Variants in BYSL observed in about 807,000 individuals in gnomAD.
The protein encoded by BYSL is bystin.
A neutral mutation model predicts 45.4 loss-of-function variants in BYSL; 21 were observed. The observed-to-expected ratio is 0.46, with a 90% CI of 0.33 to 0.67. The LOEUF is 0.67. Ranked by LOEUF, BYSL falls within the 30% of genes least tolerant of loss-of-function variation. The probability of loss-of-function intolerance (pLI) is 0.02; values close to 1 mark genes in which losing one functional copy is unlikely to be tolerated. For synonymous variants in BYSL, 215 were observed against 231.3 expected (o/e 0.93, Z 0.64); for missense variants, 522 against 578.5 (o/e 0.90, Z 1.00).
upstream of BYSL, chr6:41,920,968 T>C: frequency 6.2e-7 from 1 of 1,603,258 alleles, no homozygotes; most frequent in Non-Finnish European, 8.5e-7. Context: ...CTTTCACAAC[T>C]CCAAGCCCCG....
At chr6:41,919,524 T>C (rs767871346), upstream of BYSL, among the ~76,000 whole-genome samples, 1 of 152,174 alleles carries the variant, frequency 6.6e-6, no homozygotes, top group Non-Finnish European at 1.5e-5. Context: ...TATTTTGAAA[T>C]ACAAAAGAAT....
At chr6:41,911,340 G>A in the BYSL span, among the ~76,000 whole-genome samples, 4 of 151,510 alleles carry the variant, frequency 2.6e-5, no homozygotes, top group Non-Finnish European at 5.9e-5. Flanking sequence ...TAGTAGAGAC[G>A]GGGTTTCACC....
the BYSL span, among the ~76,000 whole-genome samples, chr6:41,910,528 A>G: frequency 0.056 from 8,492 of 151,592 alleles, 415 homozygotes; most frequent in Admixed American, 0.12. Flanking sequence ...GCTACTGGGG[A>G]GGCTGAGGCA....
At chr6:41,914,806 A>G in the BYSL span, among the ~76,000 whole-genome samples, 1 of 152,172 alleles carries the variant, frequency 6.6e-6, no homozygotes, top group Non-Finnish European at 1.5e-5. Context: ...GCTAAAAAGA[A>G]CAATTGATTT....
In BYSL at chr6:41,932,143, C is replaced by T. The variant is rs923323055; in HGVS notation, c.969-218C>T. On this transcript the variant is annotated intron_variant, in intron 6 of 6. Coordinates refer to ENST00000230340, the MANE Select transcript of BYSL (RefSeq NM_004053.4). This position sits in a 1 kb window ranked among gnomAD's most constrained non-coding sequence, Gnocchi z 4.7. ...CTAGTTGGTTACTGAAACAAGCAGT[C>T]TATGCTAGAGATAGAGATTTGGGTG... Among the ~76,000 whole-genome samples, 2 of 152,012 alleles carry T rather than the reference C, an allele frequency of 1.3e-5. No individual in the cohort carries two copies. Among genetic ancestry groups the T allele is most frequent in the Non-Finnish European group, 2.9e-5 (2 of 68,024 alleles).
At chr6:41,911,154 CT>C in the BYSL span, among the ~76,000 whole-genome samples, 2,185 of 140,308 alleles carry the variant, frequency 0.016, 27 homozygotes, top group African/African-American at 0.042. Flanking sequence ...AGGCTAAAAA[CT>C]TTTTTTTTTT....
At chr6:41,928,134 A>G (rs1303889064) in intron 2 of BYSL, among the ~76,000 whole-genome samples, 2 of 152,164 alleles carry the variant, frequency 1.3e-5, no homozygotes, top group East Asian at 3.9e-4. Context: ...ATTTATTCCC[A>G]TCTATAATAA....
In BYSL at chr6:41,931,552, C is replaced by A; in HGVS notation, c.861C>A (p.Phe287Leu). Reference sequence around the variant, plus strand: ...CCCTTTTCAAACCTGGAGCCTGGTTCAAAGGTGGGATCCCAGAGGCACGGA... The same window carrying A: ...CCCTTTTCAAACCTGGAGCCTGGTTAAAAGGTGGGATCCCAGAGGCACGGA... ...KKALFKPGAW[F>L]KGILIPLCES... is the part of the protein sequence containing the mutation. Residue 287 changes from phenylalanine to leucine, a missense_variant, in exon 5 of 7, where the codon TTC becomes TTA. Physicochemically the swap from Phe to Leu is conservative, Grantham distance 22. Coordinates refer to ENST00000230340, the MANE Select transcript of BYSL (RefSeq NM_004053.4). 1 of 1,614,158 alleles carries A rather than the reference C, an allele frequency of 6.2e-7. No homozygotes were observed. The highest frequency in any genetic ancestry group is 8.5e-7 in the Non-Finnish European group (1 of 1,180,020).
chr6:41,922,155 A>G (rs967615655), intron 1 of BYSL, among the ~76,000 whole-genome samples: 1 of 152,184 alleles, frequency 6.6e-6, no homozygotes, highest in Admixed American at 6.5e-5. Context: ...ATGTTTGGGT[A>G]CAGAAGTAAA....
rs191704762 is a variant in BYSL at position 41,924,194 on chromosome 6, G to A, written c.268+2364G>A. ...TCCTGCCTCAGCCTCCCAAGTAGCT[G>A]GGATTACAGGCGCCCGCCACCACAC... On this transcript the variant is annotated intron_variant, in intron 1 of 6. Transcript: ENST00000230340. Among the ~76,000 whole-genome samples the A allele has an allele frequency of 2.1e-3, 316 of 151,446 alleles. 3 individuals are homozygous for A. The highest frequency in any genetic ancestry group is 6.6e-3 in the African/African-American group (272 of 41,202).
intron 1 of BYSL, 73 bp downstream of exon 1, chr6:41,921,903 TG>T: frequency 6.6e-7 from 1 of 1,505,346 alleles, no homozygotes; most frequent in South Asian, 1.3e-5. Context: ...AAAAAGTGTC[TG>T]GCAGGGGAAT....
At chr6:41,909,289 C>T in the BYSL span, 2 of 1,614,112 alleles carry the variant, frequency 1.2e-6, no homozygotes, top group Admixed American at 1.7e-5. Context: ...ATGCCCCGGG[C>T]ACTGGGCCCC....
Position 41,932,618 on chromosome 6 carries a change from C to T in BYSL, c.1226C>T (p.Pro409Leu). The T allele has an allele frequency of 6.2e-7, 1 of 1,614,188 alleles. No homozygotes were observed. Among genetic ancestry groups the T allele is most frequent in the South Asian group, 1.1e-5 (1 of 91,086 alleles). Residue 409 changes from proline (P) to leucine (L), a missense_variant, in exon 7 of 7, where the codon CCC becomes CTC. Pro to Leu is a moderately conservative substitution (Grantham distance 98, BLOSUM62 -3). Transcript: ENST00000230340. The surrounding 1 kb of genome is among the most constrained non-coding windows in gnomAD (Gnocchi z 4.7). ...CTCTTAGAACTGCTCCGGCTGCAGCCCCATCCACAGCTATCGCCCGAAATC... is the reference window on the plus strand; with the variant it reads ...CTCTTAGAACTGCTCCGGCTGCAGCTCCATCCACAGCTATCGCCCGAAATC... Reference protein sequence around the residue: ...EALLELLRLQPHPQLSPEIRR... With the variant: ...EALLELLRLQLHPQLSPEIRR...
At chr6:41,920,874 G>T, upstream of BYSL, 1 of 1,153,834 alleles carries the variant, frequency 8.7e-7, no homozygotes, top group Non-Finnish European at 1.2e-6. Flanking sequence ...CAGCCCGGAC[G>T]GCATCCTCTC....
At chr6:41,914,204 G>A in the BYSL span, among the ~76,000 whole-genome samples, 1 of 152,176 alleles carries the variant, frequency 6.6e-6, no homozygotes, top group Non-Finnish European at 1.5e-5. Context: ...GCTGTTGTCG[G>A]AGGCAGGAAT....
Position 41,932,717 on chromosome 6 carries a change from C to G in BYSL, c.*11C>G, listed in dbSNP as rs1383818132. 6.3e-7 allele frequency: 1 copy of G among 1,597,284 alleles called. No individual in the cohort carries two copies. Among genetic ancestry groups the G allele is most frequent in the Non-Finnish European group, 8.6e-7 (1 of 1,169,096 alleles). On this transcript the variant is annotated 3_prime_UTR_variant, in exon 7 of 7. Transcript: ENST00000230340. The surrounding 1 kb of genome is among the most constrained non-coding windows in gnomAD (Gnocchi z 4.7). Reference sequence around the variant, plus strand: ...ATCACCGTGGAGTGAGGAAAACAGTCAGCTGTCCTGGCCAAAGGGGTTTGG... The same window carrying G: ...ATCACCGTGGAGTGAGGAAAACAGTGAGCTGTCCTGGCCAAAGGGGTTTGG...
In BYSL at chr6:41,932,944, T is replaced by TA. The variant is rs1775662042; in HGVS notation, c.*238_*239insA. ...CTGAGAGCCAACTTGAGATACCATA[T>TA]GCTAGCATTCCCAGTCCCCAGCTGG... On this transcript the variant is annotated 3_prime_UTR_variant, in exon 7 of 7. Coordinates refer to ENST00000230340, the MANE Select transcript of BYSL (RefSeq NM_004053.4). This position sits in a 1 kb window ranked among gnomAD's most constrained non-coding sequence, Gnocchi z 4.7. 1 of 528,228 alleles carries TA rather than the reference T, an allele frequency of 1.9e-6. No individual in the cohort carries two copies. The highest frequency in any genetic ancestry group is 3.4e-6 in the Non-Finnish European group (1 of 297,364). 32.7% of individuals were successfully genotyped at this position (528,228 alleles called of 1,614,324 possible).
upstream of BYSL, among the ~76,000 whole-genome samples, chr6:41,918,245 T>G (rs1310943434): frequency 6.6e-6 from 1 of 152,200 alleles, no homozygotes; most frequent in African/African-American, 2.4e-5. Context: ...GGCTCACGCC[T>G]GTAATCCCAG....
upstream of BYSL, chr6:41,917,669 A>C (rs2127380847): frequency 2.3e-6 from 1 of 432,864 alleles, no homozygotes; most frequent in East Asian, 7.3e-5. Flanking sequence ...CAAAGATTCT[A>C]GATGACACAC....
Sources: allele counts gnomAD v4.1 joint callset (sites outside exome capture counted in the v4.1 genomes callset), GRCh38; gene constraint gnomAD v4.1.1; non-coding constraint Gnocchi (gnomAD v3.1); transcripts MANE v1.5; gene names NCBI Gene and HGNC (gene_info 2026-07-23, HGNC 2026-07-21).